The following AKR1C4 variants were observed in gnomAD, a reference collection of about 807,000 sequenced individuals.
AKR1C4 encodes 3-alpha-HSD1.
In AKR1C4, 44 loss-of-function variants were observed where a neutral mutation model predicts 41.0. The observed-to-expected ratio is 1.07, with a 90% confidence interval of 0.84 to 1.38. AKR1C4 has a LOEUF of 1.38. Ranked by LOEUF, AKR1C4 falls within the 40% of genes most tolerant of loss-of-function variation. The probability of loss-of-function intolerance (pLI) is 0.00; values close to 1 mark genes in which losing one functional copy is unlikely to be tolerated. For missense variants in AKR1C4, 438 were observed against 387.9 expected, an observed-to-expected ratio of 1.13 and a Z score of -1.09; for synonymous variants, 165 against 137.7, an observed-to-expected ratio of 1.20 and a Z score of -1.39.
rs144183289 is a variant in AKR1C4 at position 5,206,275 on chromosome 10, G to T, written c.448G>T (p.Val150Phe). ...TTCCTCACAACCCCTTTCTCCCCAG[G>T]TCATGGAGAAGTGTAAGGATGCAGG... ...DTVDLSATWE[V>F]MEKCKDAGLA... Residue 150 changes from valine to phenylalanine, a missense_variant and splice_region_variant, in exon 5 of 9, where the codon GTC becomes TTC. Val to Phe is a conservative substitution (Grantham distance 50). Coordinates refer to ENST00000263126, the MANE Select transcript of AKR1C4 (RefSeq NM_001818.5). 13 of 1,614,032 alleles carry T rather than the reference G, an allele frequency of 8.1e-6. No homozygotes were observed. Among genetic ancestry groups the T allele is most frequent in the Non-Finnish European group, 1.1e-5 (13 of 1,179,942 alleles).
intron 6 of AKR1C4, 54 bp downstream of exon 6, chr10:5,212,779 A>T: frequency 1.3e-6 from 2 of 1,564,824 alleles, no homozygotes; most frequent in Non-Finnish European, 1.8e-6. Flanking sequence ...GAAAAATTTT[A>T]GTTATAGCAT....
intron 5 of AKR1C4, among the ~76,000 whole-genome samples, chr10:5,211,378 G>C (rs1239999332): frequency 1.3e-5 from 2 of 152,176 alleles, no homozygotes; most frequent in African/African-American, 4.8e-5. Context: ...CAGCACCCAA[G>C]TCACTGCTTG....
chr10:5,215,345 A>G (rs1170637964), intron 7 of AKR1C4, among the ~76,000 whole-genome samples: 1 of 152,154 alleles, frequency 6.6e-6, no homozygotes, highest in Non-Finnish European at 1.5e-5. Context: ...TAGAAATCCA[A>G]CAATATCCAT....
In AKR1C4 at chr10:5,212,603, T is replaced by C. The variant is rs1554798046; in HGVS notation, c.571-13T>C. On this transcript the variant is annotated splice_polypyrimidine_tract_variant and intron_variant, in intron 5 of 8. Coordinates refer to ENST00000263126, the MANE Select transcript of AKR1C4 (RefSeq NM_001818.5). ...TGAATTATCTGATGCTTTTCTCTCT[T>C]GATCATCTAAAGGTAGAATGTCATC... 1.2e-6 allele frequency: 2 copies of C among 1,600,286 alleles called. No homozygotes were observed.
At chr10:5,210,601 C>G (rs1029538823) in intron 5 of AKR1C4, among the ~76,000 whole-genome samples, 1 of 69,034 alleles carries the variant, frequency 1.4e-5, no homozygotes, top group Non-Finnish European at 2.8e-5. Flanking sequence ...GGTTCCCAAA[C>G]CTCAATTTTT....
chr10:5,197,453 G>A (rs188015957), intron 1 of AKR1C4, among the ~76,000 whole-genome samples: 2 of 152,286 alleles, frequency 1.3e-5, no homozygotes, highest in East Asian at 3.9e-4. Context: ...CAGTAATACT[G>A]GTCCTGGACT....
intron 1 of AKR1C4, among the ~76,000 whole-genome samples, chr10:5,197,907 G>A (rs1554796478): frequency 6.6e-6 from 1 of 152,216 alleles, no homozygotes; most frequent in African/African-American, 2.4e-5. Context: ...TGCCTGCACA[G>A]CAAACAGAGG....
chr10:5,217,239 C>T (rs552418184), intron 8 of AKR1C4, among the ~76,000 whole-genome samples: 29 of 152,300 alleles, frequency 1.9e-4, no homozygotes, highest in African/African-American at 7.0e-4. Flanking sequence ...GCCAGAAATT[C>T]TCTTCTCTTC....
In AKR1C4 at chr10:5,216,707, G is replaced by A; in HGVS notation, c.847-4G>A. 6.2e-7 allele frequency: 1 copy of A among 1,604,286 alleles called. No homozygotes were observed. The highest frequency in any genetic ancestry group is 2.2e-5 in the East Asian group (1 of 44,734). Reference sequence around the variant, plus strand: ...AGAATAAACATTTTCTACTTCTTTGGTAGGTTTTTGAATTCCAGTTGACAT... The same window carrying A: ...AGAATAAACATTTTCTACTTCTTTGATAGGTTTTTGAATTCCAGTTGACAT... On this transcript the variant is annotated splice_region_variant and splice_polypyrimidine_tract_variant and intron_variant, in intron 7 of 8. Transcript: ENST00000263126.
At chr10:5,211,528 A>G (rs1312456279) in intron 5 of AKR1C4, among the ~76,000 whole-genome samples, 1 of 152,200 alleles carries the variant, frequency 6.6e-6, no homozygotes, top group Non-Finnish European at 1.5e-5. Context: ...GTTCCCAACA[A>G]GTTCCTCATC....
intron 3 of AKR1C4, chr10:5,204,719 A>T: frequency 1.5e-6 from 1 of 660,242 alleles, no homozygotes; most frequent in Non-Finnish European, 2.8e-6. Context: ...TCAAAAATTC[A>T]AGAAAATAAC....
intron 5 of AKR1C4, among the ~76,000 whole-genome samples, chr10:5,209,478 C>T (rs551367840): frequency 6.6e-6 from 1 of 152,208 alleles, no homozygotes; most frequent in South Asian, 2.1e-4. Flanking sequence ...TTAACTCCTT[C>T]CCTTTAATTA....
intron 5 of AKR1C4, among the ~76,000 whole-genome samples, chr10:5,208,644 T>C (rs1832524982): frequency 1.3e-5 from 2 of 151,566 alleles, no homozygotes. Context: ...ATTCTCCCAG[T>C]AACAGTGCAA....
rs1554798843 is a variant in AKR1C4 at position 5,218,753 on chromosome 10, A to T, written c.965A>T (p.Glu322Val). The stretch of plus-strand genomic sequence containing the variant: ...CATCCTGATTATCCATTTTCAGATG[A>T]ATATTAGCATAGAGGGTGTTGCACG... ...MDHPDYPFSD[E>V]Y The change falls in exon 9 of 9, where the codon GAA (glutamate) becomes GTA (valine). Residue 322 changes from glutamate (E) to valine (V), a missense_variant. Transcript: ENST00000263126. The T allele has an allele frequency of 6.2e-7, 1 of 1,604,824 alleles. No individual in the cohort carries two copies. The highest frequency in any genetic ancestry group is 1.3e-5 in the African/African-American group (1 of 74,822).
Position 5,213,056 on chromosome 10 carries a change from A to T in AKR1C4, c.743A>T (p.His248Leu). 6.2e-7 allele frequency: 1 copy of T among 1,614,182 alleles called. No homozygotes were observed. Among genetic ancestry groups the T allele is most frequent in the Non-Finnish European group, 8.5e-7 (1 of 1,180,030 alleles). The change falls in exon 7 of 9, where the codon CAC (histidine) becomes CTC (leucine). Residue 248 changes from histidine to leucine, a missense_variant. Coordinates refer to ENST00000263126, the MANE Select transcript of AKR1C4 (RefSeq NM_001818.5). ...GTTCTTTGTGCCTTAGCAAAGAAAC[A>T]CAAACAAACCCCAGCCCTGATTGCC... The part of the protein sequence containing the change: ...DPVLCALAKK[H>L]KQTPALIALR...
At chr10:5,197,800 C>G (rs1448671249) in intron 1 of AKR1C4, among the ~76,000 whole-genome samples, 2 of 152,112 alleles carry the variant, frequency 1.3e-5, no homozygotes, top group Admixed American at 6.5e-5. Context: ...ACCTTGAAGA[C>G]CATCGACAGG....
In AKR1C4 at chr10:5,198,332, T is replaced by C. The variant is rs1467605878; in HGVS notation, c.84+1381T>C. On this transcript the variant is annotated intron_variant, in intron 1 of 8. Coordinates refer to ENST00000263126, the MANE Select transcript of AKR1C4 (RefSeq NM_001818.5). ...ACTGCCACCCGTAGATGCGCCTGTT[T>C]TCAAAGTTGGAGCCTGGCTGGTATC... 2.6e-5 allele frequency among the ~76,000 whole-genome samples: 4 copies of C among 152,166 alleles called. No individual in the cohort carries two copies. The East Asian group carries it at 7.7e-4, about 29-fold the overall frequency.
At position 5,206,300 on chromosome 10, in the gene AKR1C4, G is replaced by T. The variant is rs781957701; in HGVS notation, c.473G>T (p.Gly158Val). 1.9e-6 allele frequency: 3 copies of T among 1,614,076 alleles called. No homozygotes were observed. The highest frequency in any genetic ancestry group is 2.5e-6 in the Non-Finnish European group (3 of 1,179,990). The change falls in exon 5 of 9, where the codon GGA becomes GTA. Residue 158 changes from glycine to valine, a missense_variant. Gly to Val is a moderately radical substitution (Grantham distance 109). Transcript: ENST00000263126. The part of the protein sequence containing the change: ...WEVMEKCKDA[G>V]LAKSIGVSNF... Reference sequence around the variant, plus strand: ...GTCATGGAGAAGTGTAAGGATGCAGGATTGGCCAAGTCCATCGGGGTGTCA... The same window carrying T: ...GTCATGGAGAAGTGTAAGGATGCAGTATTGGCCAAGTCCATCGGGGTGTCA...
intron 1 of AKR1C4, among the ~76,000 whole-genome samples, chr10:5,197,480 A>G (rs1832328956): frequency 6.6e-6 from 1 of 152,200 alleles, no homozygotes; most frequent in Admixed American, 6.5e-5. Flanking sequence ...AATGCCCTGC[A>G]CAACTCTCAC....
Sources: gnomAD v4.1 joint callset for allele counts (sites outside exome capture counted in the v4.1 genomes callset) on GRCh38, gnomAD v4.1.1 for gene constraint, MANE v1.5 for transcripts, NCBI Gene and HGNC (gene_info 2026-07-23, HGNC 2026-07-21) for gene names.